Variants in GABRG1 observed in about 807,000 individuals in gnomAD.
GABRG1 encodes the protein gamma-aminobutyric acid receptor subunit gamma-1.
A neutral mutation model predicts 49.8 loss-of-function variants in GABRG1; 49 were observed. The observed-to-expected ratio is 0.98, with a 90% confidence interval of 0.78 to 1.25. GABRG1 has a LOEUF of 1.25. Among genes scored for constraint, GABRG1 ranks in the 50% most tolerant of loss-of-function variants. GABRG1 has a pLI of 0.00. For missense variants in GABRG1, 552 were observed against 552.3 expected (o/e 1.00, Z 0.01); for synonymous variants, 232 against 185.1 (o/e 1.25, Z -2.06).
chr4:46,101,901 G>T (rs181062169), intron 1 of GABRG1, among the ~76,000 whole-genome samples: 142 of 151,654 alleles, frequency 9.4e-4, no homozygotes, highest in Admixed American at 2.9e-3. Flanking sequence ...TAGCTTAAAA[G>T]ACTTGATGGA....
intron 1 of GABRG1, among the ~76,000 whole-genome samples, chr4:46,114,413 T>G (rs1720821317): frequency 6.6e-6 from 1 of 150,986 alleles, no homozygotes. Context: ...GAATACTAGG[T>G]AAGTGTGTCC....
At chr4:46,112,372 A>G (rs1398433799) in intron 1 of GABRG1, among the ~76,000 whole-genome samples, 5 of 151,398 alleles carry the variant, frequency 3.3e-5, no homozygotes, top group African/African-American at 7.3e-5. Context: ...GGAAATGCTT[A>G]TACACTGTTG....
intron 3 of GABRG1, among the ~76,000 whole-genome samples, chr4:46,077,826 GTGTATT>G (rs1465960542): frequency 1.1e-4 from 16 of 151,464 alleles, no homozygotes; most frequent in Non-Finnish European, 2.1e-4. Context: ...CATATAAAAT[GTGTATT>G]TGAATTAAGA....
intron 7 of GABRG1, among the ~76,000 whole-genome samples, chr4:46,056,155 A>AT (rs1718432632): frequency 6.7e-5 from 2 of 29,796 alleles, no homozygotes; most frequent in Non-Finnish European, 1.2e-4. Flanking sequence ...ATAAATTAAA[A>AT]AAAAAAAAAA....
chr4:46,081,632 T>A, intron 3 of GABRG1, among the ~76,000 whole-genome samples: 1 of 151,782 alleles, frequency 6.6e-6, no homozygotes, highest in East Asian at 1.9e-4. Context: ...ATTGAATAAA[T>A]AAAATGAAGA....
intron 2 of GABRG1, among the ~76,000 whole-genome samples, chr4:46,086,497 T>G (rs1314836254): frequency 1.3e-5 from 2 of 151,564 alleles, no homozygotes; most frequent in Non-Finnish European, 3.0e-5. Context: ...TATGTAGCTT[T>G]TTGGTCACTT....
At chr4:46,101,173 T>TA (rs1720367162) in intron 1 of GABRG1, among the ~76,000 whole-genome samples, 1 of 151,024 alleles carries the variant, frequency 6.6e-6, no homozygotes, top group African/African-American at 2.4e-5. Flanking sequence ...TAAAAATTAA[T>TA]ATACCTACCT....
chr4:46,116,987 A>C (rs1162085161), intron 1 of GABRG1, among the ~76,000 whole-genome samples: 1 of 150,430 alleles, frequency 6.6e-6, no homozygotes, highest in Non-Finnish European at 1.5e-5. Flanking sequence ...ATCTAGGATG[A>C]TCAAGAGGTG....
intron 1 of GABRG1, among the ~76,000 whole-genome samples, chr4:46,100,601 A>G (rs1720347494): frequency 6.7e-6 from 1 of 150,170 alleles, no homozygotes; most frequent in African/African-American, 2.4e-5. Context: ...TCACCTCTAA[A>G]TTTCAGTTTT....
At chr4:46,057,940 T>C (rs529267326) in intron 7 of GABRG1, among the ~76,000 whole-genome samples, 3 of 152,294 alleles carry the variant, frequency 2.0e-5, no homozygotes, top group Non-Finnish European at 4.4e-5. Context: ...ATGATTTTCA[T>C]GTATTAATTC....
At position 46,039,505 on chromosome 4, in the gene GABRG1, C is replaced by T. The variant is rs1347054426; in HGVS notation, c.*1483G>A. The T allele has an allele frequency of 1.3e-5, 2 of 151,660 alleles. No homozygotes were observed. The highest frequency in any genetic ancestry group is 4.8e-5 in the African/African-American group (2 of 41,374). 9.4% of individuals were successfully genotyped at this position (151,660 alleles called of 1,614,324 possible). On this transcript the variant is annotated 3_prime_UTR_variant, in exon 9 of 9. Coordinates refer to ENST00000295452, the MANE Select transcript of GABRG1 (RefSeq NM_173536.4). Reference sequence around the variant, plus strand: ...ATTGCAGAGGTGACAGGTTTCCTCTCAAACCTTAAGTAAGATAGGCTGTGA... The same window carrying T: ...ATTGCAGAGGTGACAGGTTTCCTCTTAAACCTTAAGTAAGATAGGCTGTGA...
At chr4:46,105,773 G>A (rs972747221) in intron 1 of GABRG1, among the ~76,000 whole-genome samples, 12 of 138,346 alleles carry the variant, frequency 8.7e-5, no homozygotes, top group African/African-American at 2.8e-4. Flanking sequence ...TAGATAGATG[G>A]ATGGATGGGT....
At chr4:46,043,169 T>A (rs1717850356) in intron 8 of GABRG1, among the ~76,000 whole-genome samples, 1 of 151,860 alleles carries the variant, frequency 6.6e-6, no homozygotes, top group Admixed American at 6.6e-5. Flanking sequence ...TGAAACGGCA[T>A]TATCATAAAT....
At chr4:46,066,260 AC>A (rs1173278398) in intron 3 of GABRG1, among the ~76,000 whole-genome samples, 4 of 152,160 alleles carry the variant, frequency 2.6e-5, no homozygotes, top group African/African-American at 9.7e-5. Flanking sequence ...GACGCAAAAA[AC>A]AACCAAATTT....
In GABRG1 at chr4:46,065,480, T is replaced by A. The variant is rs1718874984; in HGVS notation, c.426A>T (p.Lys142Asn). Residue 142 changes from lysine to asparagine, a missense_variant, in exon 4 of 9, where the codon AAA (lysine) becomes AAT (asparagine). Coordinates refer to ENST00000295452, the MANE Select transcript of GABRG1 (RefSeq NM_173536.4). The part of the protein sequence containing the change: ...VLMLNSNMVG[K>N]IWIPDTFFRN... ...TGAAGAAAGTGTCAGGAATCCAAAT[T>A]TTTCCAACCATATTACTGTTAAGCA... The A allele has an allele frequency of 6.2e-7, 1 of 1,610,626 alleles. No homozygotes were observed. The highest frequency in any genetic ancestry group is 8.5e-7 in the Non-Finnish European group (1 of 1,177,222).
intron 1 of GABRG1, among the ~76,000 whole-genome samples, chr4:46,112,539 G>A (rs1720749763): frequency 6.6e-6 from 1 of 151,314 alleles, no homozygotes; most frequent in Admixed American, 6.6e-5. Flanking sequence ...GCACTCACAT[G>A]TTCCATGCAG....
At chr4:46,089,439 C>T (rs1156397720) in intron 2 of GABRG1, among the ~76,000 whole-genome samples, 2 of 151,974 alleles carry the variant, frequency 1.3e-5, no homozygotes, top group Non-Finnish European at 2.9e-5. Context: ...ATGTCCCCAT[C>T]GCTAGAAACA....
At chr4:46,060,703 T>A (rs988026618) in intron 5 of GABRG1, among the ~76,000 whole-genome samples, 3 of 152,178 alleles carry the variant, frequency 2.0e-5, no homozygotes, top group African/African-American at 7.2e-5. Flanking sequence ...ATCTACTTAA[T>A]AAATAAACTA....
intron 3 of GABRG1, among the ~76,000 whole-genome samples, chr4:46,076,362 CATATATATATATATATATATATATATAT>C (rs1203391424): frequency 3.8e-5 from 3 of 78,728 alleles, no homozygotes; most frequent in African/African-American, 1.6e-4. Context: ...AGGTCATGTT[CATATATATATATATATATATATATATAT>C]ATATATATAT....
Sources: gnomAD v4.1 joint callset for allele counts (sites outside exome capture counted in the v4.1 genomes callset) on GRCh38, gnomAD v4.1.1 for gene constraint, MANE v1.5 for transcripts, NCBI Gene and HGNC (gene_info 2026-07-23, HGNC 2026-07-21) for gene names.